PLD3: variants seen among roughly 807,000 people sequenced by gnomAD.
PLD3 encodes the protein phospholipase D family member 3.
Under a neutral mutation model 58.4 loss-of-function variants are expected in PLD3, and 31 were observed. The ratio of observed to expected loss-of-function variants is 0.53; its 90% CI spans 0.40 to 0.72. The LOEUF is 0.72. Among genes scored for constraint, PLD3 ranks in the 30% least tolerant of loss-of-function variants. The pLI is 0.00. For synonymous variants in PLD3, 264 were observed against 273.4 expected, an observed-to-expected ratio of 0.97 and a Z score of 0.34; for missense variants, 595 against 659.8, an observed-to-expected ratio of 0.90 and a Z score of 1.08.
chr19:40,376,269 C>T (rs1294411684), intron 10 of PLD3: 6 of 218,940 alleles, frequency 2.7e-5, no homozygotes, highest in Admixed American at 5.5e-5. Flanking sequence ...GCAGGAGAAT[C>T]GCTTGAACCC....
chr19:40,353,073 TGAAG>T (rs1416862786), intron 1 of PLD3, among the ~76,000 whole-genome samples: 2 of 152,180 alleles, frequency 1.3e-5, no homozygotes, highest in Non-Finnish European at 1.5e-5. Flanking sequence ...CCTGATGTGA[TGAAG>T]GGAGATTTTG....
intron 10 of PLD3, among the ~76,000 whole-genome samples, chr19:40,375,169 AC>A (rs1376004551): frequency 6.6e-6 from 1 of 151,634 alleles, no homozygotes; most frequent in African/African-American, 2.4e-5. Context: ...CAAAAAAACA[AC>A]AAAAAAAAAG....
At chr19:40,359,780 GA>G (rs1201857456) in intron 1 of PLD3, 1 of 152,218 alleles carries the variant, frequency 6.6e-6, no homozygotes, top group African/African-American at 2.4e-5. Flanking sequence ...GCTGTTAGGA[GA>G]CTTGACAGTC....
chr19:40,361,756 T>TCC (rs1183666448), intron 1 of PLD3, among the ~76,000 whole-genome samples: 1 of 151,986 alleles, frequency 6.6e-6, no homozygotes, highest in Non-Finnish European at 1.5e-5. Flanking sequence ...CACAAACAAT[T>TCC]CCACCCCCAC....
At chr19:40,374,658 G>C in intron 10 of PLD3, 38 bp downstream of exon 10, 1 of 1,612,486 alleles carries the variant, frequency 6.2e-7, no homozygotes, top group East Asian at 2.2e-5. Flanking sequence ...CGCTGCAGTT[G>C]GCCAGGAGAC....
chr19:40,374,491 C>T lies in PLD3; in HGVS notation c.890C>T (p.Pro297Leu). Reference protein sequence around the residue: ...PALAYLASAPPPLCPSGRTPD... With the variant: ...PALAYLASAPLPLCPSGRTPD... ...TCCCCTCGCCCTCAGAGTGCGCCCCCACCCCTGTGTCCAAGTGGCCGCACT... is the reference window on the plus strand; with the variant it reads ...TCCCCTCGCCCTCAGAGTGCGCCCCTACCCCTGTGTCCAAGTGGCCGCACT... The change falls in exon 10 of 13, where the codon CCA (proline) becomes CTA (leucine). Residue 297 changes from proline (P) to leucine (L), a missense_variant. By Grantham distance (98) the Pro-to-Leu change is moderately conservative. Transcript: ENST00000409735. 6.2e-7 allele frequency: 1 copy of T among 1,614,158 alleles called. No homozygotes were observed. The highest frequency in any genetic ancestry group is 8.5e-7 in the Non-Finnish European group (1 of 1,180,034).
At chr19:40,360,649 A>G (rs2078759444) in intron 1 of PLD3, 1 of 151,476 alleles carries the variant, frequency 6.6e-6, no homozygotes, top group African/African-American at 2.4e-5. Flanking sequence ...TCCAAACTCA[A>G]GGTGTAGCAG....
intron 1 of PLD3, among the ~76,000 whole-genome samples, chr19:40,353,736 G>T (rs1055675667): frequency 6.6e-6 from 1 of 151,074 alleles, no homozygotes; most frequent in Non-Finnish European, 1.5e-5. Context: ...CCGCCACCAC[G>T]CCTGGCTAAT....
intron 11 of PLD3, 62 bp from the exon 12 acceptor site, chr19:40,377,724 C>T: frequency 1.7e-6 from 2 of 1,207,472 alleles, no homozygotes; most frequent in Middle Eastern, 1.9e-4. Context: ...GCTCCCTGAT[C>T]CCGGGGCTCC....
chr19:40,349,404 G>A (rs1016646156), intron 1 of PLD3, among the ~76,000 whole-genome samples: 56 of 151,846 alleles, frequency 3.7e-4, no homozygotes, highest in African/African-American at 1.4e-3. Flanking sequence ...TCTTCCCTCC[G>A]TGTCTTCGTC....
chr19:40,360,501 C>T (rs1168206105), intron 1 of PLD3: 1 of 150,256 alleles, frequency 6.7e-6, no homozygotes, highest in African/African-American at 2.5e-5. Flanking sequence ...AATCCCAGCA[C>T]TTTGGGAGGC....
chr19:40,368,475 C>T (rs2078984041), intron 6 of PLD3, among the ~76,000 whole-genome samples: 1 of 152,186 alleles, frequency 6.6e-6, no homozygotes. Flanking sequence ...AAAGGAACAG[C>T]CTACATGGAT....
intron 1 of PLD3, chr19:40,359,265 G>C (rs931064888): frequency 6.6e-6 from 1 of 152,196 alleles, no homozygotes; most frequent in African/African-American, 2.4e-5. Context: ...GGTCAGGCTG[G>C]TCTTGAACTC....
intron 1 of PLD3, among the ~76,000 whole-genome samples, chr19:40,362,983 T>G (rs2145678310): frequency 6.6e-6 from 1 of 152,230 alleles, no homozygotes; most frequent in South Asian, 2.1e-4. Context: ...AAGGCTAGTC[T>G]GGAACTCCTG....
chr19:40,375,692 A>G (rs1215847517), intron 10 of PLD3, among the ~76,000 whole-genome samples: 1 of 151,294 alleles, frequency 6.6e-6, no homozygotes, highest in Non-Finnish European at 1.5e-5. Flanking sequence ...AAGGATAACA[A>G]CCATACCCAC....
chr19:40,359,884 A>G (rs2078739969), intron 1 of PLD3: 1 of 151,888 alleles, frequency 6.6e-6, no homozygotes, highest in East Asian at 1.9e-4. Context: ...TTTTGTGGAG[A>G]TGAGTCCTGC....
At chr19:40,368,890 A>G (rs1025484211) in intron 6 of PLD3, among the ~76,000 whole-genome samples, 1 of 151,764 alleles carries the variant, frequency 6.6e-6, no homozygotes, top group Non-Finnish European at 1.5e-5. Flanking sequence ...ATGCCACTAC[A>G]CTCCAGCCCA....
intron 9 of PLD3, among the ~76,000 whole-genome samples, chr19:40,373,572 A>T (rs1453141683): frequency 7.1e-6 from 1 of 141,312 alleles, no homozygotes; most frequent in African/African-American, 2.7e-5. Context: ...GTGAGACTCC[A>T]CTTCAAAAAA....
At position 40,366,524 on chromosome 19, in the gene PLD3, G is replaced by A. The variant is rs759296418; in HGVS notation, c.27+14G>A. 1.2e-6 allele frequency: 2 copies of A among 1,612,472 alleles called. No homozygotes were observed. Among genetic ancestry groups the A allele is most frequent in the African/African-American group, 2.7e-5 (2 of 74,998 alleles). On this transcript the variant is annotated intron_variant, in intron 3 of 12. Coordinates refer to ENST00000409735, the MANE Select transcript of PLD3 (RefSeq NM_012268.4). ...ATGTACCAGGAGGTAGGTGGATTGG[G>A]GGGCTCAGCAGGGTGGAACTGGGTA...
Sources: gnomAD v4.1 joint callset for allele counts (sites outside exome capture counted in the v4.1 genomes callset) on GRCh38, gnomAD v4.1.1 for gene constraint, MANE v1.5 for transcripts, NCBI Gene and HGNC (gene_info 2026-07-23, HGNC 2026-07-21) for gene names.